The following SATL1 variants were observed in gnomAD, a reference collection of about 807,000 sequenced individuals.
The protein encoded by SATL1 is spermidine/spermine N(1)-acetyltransferase-like protein 1.
Under a neutral mutation model 51.8 loss-of-function variants are expected in SATL1, and 47 were observed. That is an observed-to-expected ratio of 0.91 (90% CI 0.72 to 1.16). The LOEUF is 1.16. SATL1 is among the 50% of genes most tolerant of loss of function. The pLI, the probability that SATL1 is intolerant of heterozygous loss-of-function variation, is 0.00. For missense variants in SATL1, 520 were observed against 526.4 expected (o/e 0.99, Z 0.12); for synonymous variants, 176 against 182.4 (o/e 0.97, Z 0.28).
intron 2 of SATL1, among the ~76,000 whole-genome samples, chrX:85,140,471 A>T (rs1926082543): frequency 8.9e-6 from 1 of 112,093 alleles, no homozygotes; most frequent in Admixed American, 9.5e-5. Flanking sequence ...TGGCAGAATT[A>T]AGGTAATTTT....
chrX:85,191,314 A>G (rs1320855633), intron 2 of SATL1, among the ~76,000 whole-genome samples: 1 of 111,807 alleles, frequency 8.9e-6, no homozygotes, highest in Non-Finnish European at 1.9e-5. Flanking sequence ...ATACATGTAT[A>G]CACTGTATAT....
intron 4 of SATL1, among the ~76,000 whole-genome samples, chrX:85,102,976 G>C (rs2147686594): frequency 9.0e-6 from 1 of 111,426 alleles, no homozygotes; most frequent in South Asian, 3.8e-4. Flanking sequence ...TTGTTATGCT[G>C]TTTCAGTTTG....
intron 2 of SATL1, chrX:85,117,618 C>T (rs1435267637): frequency 9.0e-6 from 1 of 110,980 alleles, no homozygotes; most frequent in Non-Finnish European, 1.9e-5. Context: ...GGAAGGAGAC[C>T]TTAAAGCAAG....
At chrX:85,200,796 C>A (rs1391537540) in intron 2 of SATL1, among the ~76,000 whole-genome samples, 1 of 110,590 alleles carries the variant, frequency 9.0e-6, no homozygotes, top group Non-Finnish European at 1.9e-5. Flanking sequence ...AAAAGTTTTA[C>A]ACAGGCATAA....
chrX:85,133,110 G>T (rs1165005093), intron 2 of SATL1, among the ~76,000 whole-genome samples: 1 of 112,199 alleles, frequency 8.9e-6, no homozygotes, highest in Non-Finnish European at 1.9e-5. Flanking sequence ...CTACATGAGG[G>T]TCAGGGACCC....
intron 2 of SATL1, among the ~76,000 whole-genome samples, chrX:85,176,494 G>A (rs770146760): frequency 9.0e-6 from 1 of 111,313 alleles, no homozygotes; most frequent in East Asian, 2.8e-4. Flanking sequence ...TAAATCTATC[G>A]TACATCTATA....
intron 2 of SATL1, among the ~76,000 whole-genome samples, chrX:85,157,521 T>C (rs777983918): frequency 1.4e-3 from 154 of 111,509 alleles, no homozygotes; most frequent in African/African-American, 4.7e-3. Flanking sequence ...GAGACACCTT[T>C]CTTTTTCTAA....
chrX:85,092,608 A>T (rs1602817122), intron 7 of SATL1, 47 bp from the exon 8 acceptor site: 1 of 1,099,649 alleles, frequency 9.1e-7, no homozygotes, highest in African/African-American at 1.8e-5. Context: ...TGAAAGTATA[A>T]TCTTCGTTAA....
At chrX:85,130,090 T>G (rs927831510) in intron 2 of SATL1, among the ~76,000 whole-genome samples, 3 of 112,027 alleles carry the variant, frequency 2.7e-5, no homozygotes, top group Admixed American at 9.5e-5. Context: ...TCATCAGGGA[T>G]ATTCATCTAA....
intron 2 of SATL1, among the ~76,000 whole-genome samples, chrX:85,136,516 G>T (rs924016790): frequency 1.2e-4 from 13 of 111,972 alleles, no homozygotes; most frequent in Admixed American, 2.9e-4. Flanking sequence ...AGAATCTAAG[G>T]GAGCAGAGAG....
At chrX:85,164,824 A>G in intron 2 of SATL1, among the ~76,000 whole-genome samples, 1 of 108,631 alleles carries the variant, frequency 9.2e-6, no homozygotes, top group Admixed American at 9.9e-5. Context: ...TCCCAGGTTC[A>G]AGCGATTCTC....
chrX:85,126,130 C>T (rs190104614), intron 2 of SATL1, among the ~76,000 whole-genome samples: 330 of 110,874 alleles, frequency 3.0e-3, no homozygotes, highest in Admixed American at 6.5e-3. Context: ...GGCTCTTCCT[C>T]CCCTTCTGTA....
chrX:85,194,117 C>A (rs764425603), intron 2 of SATL1, among the ~76,000 whole-genome samples: 1 of 111,999 alleles, frequency 8.9e-6, no homozygotes. Flanking sequence ...AATGGTTGAA[C>A]TAATTTACAC....
At chrX:85,119,686 G>C (rs1273266532) in intron 2 of SATL1, among the ~76,000 whole-genome samples, 1 of 110,791 alleles carries the variant, frequency 9.0e-6, no homozygotes, top group African/African-American at 3.3e-5. Context: ...CCTTGCATTT[G>C]ATATGTAAGT....
chrX:85,149,836 G>A (rs1265300729), intron 2 of SATL1, among the ~76,000 whole-genome samples: 1 of 111,465 alleles, frequency 9.0e-6, no homozygotes, highest in Non-Finnish European at 1.9e-5. Context: ...GAAATTTATA[G>A]CACTAAATGC....
At chrX:85,228,491 C>T (rs1173017157) in intron 1 of SATL1, among the ~76,000 whole-genome samples, 2 of 111,338 alleles carry the variant, frequency 1.8e-5, no homozygotes, top group Non-Finnish European at 3.8e-5. Flanking sequence ...GAAGAAAATC[C>T]CTCAAAGGAG....
At chrX:85,164,636 T>G (rs1378553637) in intron 2 of SATL1, among the ~76,000 whole-genome samples, 3 of 111,279 alleles carry the variant, frequency 2.7e-5, no homozygotes, top group Non-Finnish European at 5.7e-5. Context: ...TTCTTTTTGG[T>G]TACCTGATGC....
intron 2 of SATL1, among the ~76,000 whole-genome samples, chrX:85,153,512 A>G (rs754677284): frequency 2.3e-4 from 26 of 111,943 alleles, no homozygotes; most frequent in African/African-American, 6.5e-4. Flanking sequence ...TGATTGGGAA[A>G]TCTTGTCAGC....
At chrX:85,206,222 G>A (rs1296879212) in intron 2 of SATL1, among the ~76,000 whole-genome samples, 1 of 111,742 alleles carries the variant, frequency 8.9e-6, no homozygotes, top group Non-Finnish European at 1.9e-5. Flanking sequence ...CTTGTTATCA[G>A]GATATGGGTG....
Sources: gnomAD v4.1 joint callset for allele counts (sites outside exome capture counted in the v4.1 genomes callset) on GRCh38, gnomAD v4.1.1 for gene constraint, MANE v1.5 for transcripts, NCBI Gene and HGNC (gene_info 2026-07-23, HGNC 2026-07-21) for gene names.